CAMK1D: variants seen among roughly 807,000 people sequenced by gnomAD.
CAMK1D encodes the protein calcium/calmodulin-dependent protein kinase type 1D.
In CAMK1D, 9 loss-of-function variants were observed where a neutral mutation model predicts 47.7. The ratio of observed to expected loss-of-function variants is 0.19; its 90% CI spans 0.11 to 0.33. The LOEUF (loss-of-function observed/expected upper bound fraction) is 0.33, where lower values mean the gene tolerates loss of function less well. Among genes scored for constraint, CAMK1D ranks in the 10% least tolerant of loss-of-function variants. The pLI, the probability that CAMK1D is intolerant of heterozygous loss-of-function variation, is 1.00. For missense variants in CAMK1D, 291 were observed against 488.7 expected (o/e 0.60, Z 3.81); for synonymous variants, 184 against 184.9 (o/e 0.99, Z 0.04).
chr10:12,734,421 T>TA (rs1835066983), intron 3 of CAMK1D, among the ~76,000 whole-genome samples: 1 of 79,406 alleles, frequency 1.3e-5, no homozygotes, highest in African/African-American at 5.8e-5. Flanking sequence ...CACACACACA[T>TA]GTATATATAT....
At chr10:12,735,176 T>G (rs1373351256) in intron 3 of CAMK1D, among the ~76,000 whole-genome samples, 1 of 152,088 alleles carries the variant, frequency 6.6e-6, no homozygotes, top group African/African-American at 2.4e-5. Context: ...CAGATGTGAG[T>G]TTAAGAAACG....
intron 2 of CAMK1D, among the ~76,000 whole-genome samples, chr10:12,604,103 A>AC (rs63439260): frequency 0.38 from 57,505 of 151,702 alleles, 13,159 homozygotes; most frequent in East Asian, 0.55. Flanking sequence ...CGCTCCTGTC[A>AC]CCCCCCATCA....
rs188405388 is a variant in CAMK1D, at chr10:12,638,603, G to A, written c.225-28133G>A. On this transcript the variant is annotated intron_variant, in intron 2 of 10. Coordinates refer to ENST00000619168, the MANE Select transcript of CAMK1D (RefSeq NM_153498.4). ...GCCTCCCCCTTTGTGAGCTCCTGCA[G>A]CACTGCACCCTCAGTTGGATGCCGC... Among the ~76,000 whole-genome samples the A allele has an allele frequency of 2.7e-4, 41 of 152,270 alleles. No homozygotes were observed. The East Asian group carries it at 5.4e-3, about 20-fold the overall frequency.
At position 12,830,021 on chromosome 10, in the gene CAMK1D, C is replaced by A. The variant is rs1833391538; in HGVS notation, c.*1134C>A. ...GAGACGCAGGGCTCAGCTTCACAGG[C>A]CAGACTTGCTGTGAGTGAGATGCCC... On this transcript the variant is annotated 3_prime_UTR_variant, in exon 11 of 11. Coordinates refer to ENST00000619168, the MANE Select transcript of CAMK1D (RefSeq NM_153498.4). The A allele has an allele frequency of 6.6e-6, 1 of 152,024 alleles. No individual in the cohort carries two copies. Among genetic ancestry groups the A allele is most frequent in the Admixed American group, 6.5e-5 (1 of 15,270 alleles). The allele number at this position is 152,024 out of a possible 1,614,324, so 9.4% of individuals were successfully genotyped here. A position where few individuals can be genotyped will look rare whatever the true frequency, so the allele number is the denominator to read the frequency against.
At chr10:12,407,907 G>A (rs1839502702) in intron 1 of CAMK1D, among the ~76,000 whole-genome samples, 1 of 147,484 alleles carries the variant, frequency 6.8e-6, no homozygotes, top group Non-Finnish European at 1.5e-5. Flanking sequence ...ACCCAGGCTG[G>A]AGTGCAGTGG....
At chr10:12,368,536 ATCTT>A (rs1837913798) in intron 1 of CAMK1D, among the ~76,000 whole-genome samples, 1 of 152,164 alleles carries the variant, frequency 6.6e-6, no homozygotes, top group African/African-American at 2.4e-5. Flanking sequence ...GAGTTACATC[ATCTT>A]TCTGAGTTTC....
intron 3 of CAMK1D, among the ~76,000 whole-genome samples, chr10:12,670,716 T>G (rs919811924): frequency 6.6e-6 from 1 of 152,128 alleles, no homozygotes; most frequent in Admixed American, 6.5e-5. Flanking sequence ...CCCAGCTATT[T>G]TTTGTATTTT....
intron 1 of CAMK1D, among the ~76,000 whole-genome samples, chr10:12,515,210 G>T (rs1835158194): frequency 6.6e-6 from 1 of 151,748 alleles, no homozygotes; most frequent in East Asian, 1.9e-4. Flanking sequence ...CAGTAAAAAT[G>T]ACTCTTACGG....
chr10:12,541,027 A>G (rs1836152641), intron 1 of CAMK1D, among the ~76,000 whole-genome samples: 1 of 152,170 alleles, frequency 6.6e-6, no homozygotes. Flanking sequence ...GAGGGCTTTA[A>G]AAGACACATT....
intron 6 of CAMK1D, among the ~76,000 whole-genome samples, chr10:12,805,633 G>C (rs1219760404): frequency 6.6e-6 from 1 of 152,106 alleles, no homozygotes; most frequent in East Asian, 1.9e-4. Flanking sequence ...GCCTCCCAAA[G>C]TGCTAGGATT....
At chr10:12,634,769 T>C (rs1162156721) in intron 2 of CAMK1D, among the ~76,000 whole-genome samples, 1 of 152,100 alleles carries the variant, frequency 6.6e-6, no homozygotes, top group Non-Finnish European at 1.5e-5. Flanking sequence ...GCCCATCAGC[T>C]TTCGCTTCTC....
In CAMK1D at chr10:12,834,662, A is replaced by G. The variant is rs1833476986; in HGVS notation, c.*5775A>G. On this transcript the variant is annotated 3_prime_UTR_variant, in exon 11 of 11. Coordinates refer to ENST00000619168, the MANE Select transcript of CAMK1D (RefSeq NM_153498.4). ...ATGTCTTCTGATGATTTGCCATGTT[A>G]TTTTAAAGGTGATTTTATTTTCTTA... 1 of 151,972 alleles carries G rather than the reference A, an allele frequency of 6.6e-6. No individual in the cohort carries two copies. Among genetic ancestry groups the G allele is most frequent in the South Asian group, 2.1e-4 (1 of 4,816 alleles). 9.4% of individuals were successfully genotyped at this position (151,972 alleles called of 1,614,324 possible).
intron 1 of CAMK1D, among the ~76,000 whole-genome samples, chr10:12,383,603 G>A (rs570645722): frequency 3.2e-4 from 49 of 152,296 alleles, no homozygotes; most frequent in African/African-American, 1.2e-3. Flanking sequence ...CAAGCATAAA[G>A]AATATTGAAA....
At chr10:12,605,574 C>T (rs1329246175) in intron 2 of CAMK1D, among the ~76,000 whole-genome samples, 1 of 152,098 alleles carries the variant, frequency 6.6e-6, no homozygotes, top group Non-Finnish European at 1.5e-5. Flanking sequence ...TCTCTGTGAT[C>T]CAAGCAGAAC....
At chr10:12,755,305 G>A (rs1406128775) in intron 3 of CAMK1D, among the ~76,000 whole-genome samples, 1 of 152,178 alleles carries the variant, frequency 6.6e-6, no homozygotes. Flanking sequence ...GCACCAGTGT[G>A]GGATGATGGA....
intron 6 of CAMK1D, among the ~76,000 whole-genome samples, chr10:12,792,167 C>T (rs1838006864): frequency 6.6e-6 from 1 of 152,122 alleles, no homozygotes. Context: ...GAAAAAAATG[C>T]AATGAAAATC....
chr10:12,827,039 C>T (rs1202222605), intron 10 of CAMK1D, among the ~76,000 whole-genome samples: 1 of 152,224 alleles, frequency 6.6e-6, no homozygotes, highest in Non-Finnish European at 1.5e-5. Flanking sequence ...TCAGCGCAGC[C>T]TCTGAGGAGC....
At chr10:12,638,869 AC>A in intron 2 of CAMK1D, among the ~76,000 whole-genome samples, 1 of 151,988 alleles carries the variant, frequency 6.6e-6, no homozygotes, top group Non-Finnish European at 1.5e-5. Flanking sequence ...AAAGGCGTTC[AC>A]CTCCGTAGTC....
intron 1 of CAMK1D, among the ~76,000 whole-genome samples, chr10:12,447,830 GATTT>G (rs1832964758): frequency 6.6e-6 from 1 of 151,770 alleles, no homozygotes; most frequent in South Asian, 2.1e-4. Context: ...ATGCTTGGCT[GATTT>G]ATTTTTTTTA....
Sources: allele counts gnomAD v4.1 joint callset (sites outside exome capture counted in the v4.1 genomes callset), GRCh38; gene constraint gnomAD v4.1.1; transcripts MANE v1.5; gene names NCBI Gene and HGNC (gene_info 2026-07-23, HGNC 2026-07-21).